The following MRPL39 variants were observed in gnomAD, a reference collection of about 807,000 sequenced individuals.
The protein encoded by MRPL39 is large ribosomal subunit protein mL39.
MRPL39 carries 35 observed loss-of-function variants against 44.5 expected under a neutral mutation model. The ratio of observed to expected loss-of-function variants is 0.79; its 90% CI spans 0.60 to 1.04. The LOEUF (loss-of-function observed/expected upper bound fraction) is 1.04, where lower values mean the gene tolerates loss of function less well. MRPL39 is among the 50% of genes least tolerant of loss of function. The probability of loss-of-function intolerance (pLI) is 0.00; values close to 1 mark genes in which losing one functional copy is unlikely to be tolerated. For missense variants in MRPL39, 433 were observed against 413.5 expected, an observed-to-expected ratio of 1.05 and a Z score of -0.41; for synonymous variants, 139 against 136.1, an observed-to-expected ratio of 1.02 and a Z score of -0.15.
In MRPL39 at chr21:25,587,678, A is replaced by C. The variant is rs563403615; in HGVS notation, c.969+1157T>G. 33 of 1,278,832 alleles carry C rather than the reference A, an allele frequency of 2.6e-5. No individual in the cohort carries two copies. In the East Asian group the frequency reaches 2.0e-3, roughly 76 times the overall value. 79.2% of individuals were successfully genotyped at this position (1,278,832 alleles called of 1,614,324 possible). A position where few individuals can be genotyped will look rare whatever the true frequency, so the allele number is the denominator to read the frequency against. ...ATACAATCAAGCACAAACTTATATGAATAATTATTTGTTAGAGATTACTCT... is the reference window on the plus strand; with the variant it reads ...ATACAATCAAGCACAAACTTATATGCATAATTATTTGTTAGAGATTACTCT... On this transcript the variant is annotated intron_variant, in intron 9 of 9. Coordinates refer to ENST00000352957, the MANE Select transcript of MRPL39 (RefSeq NM_017446.4).
At chr21:25,590,034 T>C (rs1311131537) in intron 8 of MRPL39, among the ~76,000 whole-genome samples, 1 of 152,172 alleles carries the variant, frequency 6.6e-6, no homozygotes, top group East Asian at 1.9e-4. Context: ...ACAGATTGTG[T>C]ATTAAAAAGA....
In MRPL39 at chr21:25,595,006, T is replaced by G. The variant is rs373281156; in HGVS notation, c.702-1048A>C. Among the ~76,000 whole-genome samples the G allele has an allele frequency of 2.6e-5, 4 of 152,324 alleles. No homozygotes were observed. The South Asian group carries it at 6.2e-4, about 24-fold the overall frequency. On this transcript the variant is annotated intron_variant, in intron 6 of 9. Coordinates refer to ENST00000352957, the MANE Select transcript of MRPL39 (RefSeq NM_017446.4). ...TTCAATTCATTATCAAGTTGTCAAT[T>G]TGACTGCCCAGTATCTCTCAAATCT...
At chr21:25,585,822 T>A (rs1038415083) in intron 9 of MRPL39, 68 bp from the exon 10 acceptor site, 7 of 1,101,928 alleles carry the variant, frequency 6.4e-6, no homozygotes, top group African/African-American at 6.3e-5. Flanking sequence ...CCCACCATTT[T>A]AAATCATTCC....
At chr21:25,604,055 G>C (rs951979653) in intron 2 of MRPL39, 120 bp from the exon 3 acceptor site, 3 of 907,794 alleles carry the variant, frequency 3.3e-6, no homozygotes, top group African/African-American at 3.5e-5. Context: ...GTCCTTTTTA[G>C]AGAAAAAAAG....
chr21:25,607,645 G>C (rs918041567), upstream of MRPL39: 9 of 665,106 alleles, frequency 1.4e-5, no homozygotes, highest in South Asian at 1.2e-4. Context: ...CTGAGACCCC[G>C]AGACTCGGAG....
At chr21:25,588,676 C>T (rs948790373) in intron 9 of MRPL39, among the ~76,000 whole-genome samples, 159 bp downstream of exon 9, 1 of 152,184 alleles carries the variant, frequency 6.6e-6, no homozygotes, top group Non-Finnish European at 1.5e-5. Flanking sequence ...CCCTTACCAA[C>T]ACACTAGTGA....
At chr21:25,605,686 G>T (rs1384078152) in intron 2 of MRPL39, among the ~76,000 whole-genome samples, 1 of 152,066 alleles carries the variant, frequency 6.6e-6, no homozygotes, top group Non-Finnish European at 1.5e-5. Context: ...CAGGAGGAGA[G>T]CTTGAGGTCA....
intron 6 of MRPL39, among the ~76,000 whole-genome samples, chr21:25,596,156 T>G (rs939971910): frequency 3.3e-5 from 5 of 152,026 alleles, no homozygotes; most frequent in Non-Finnish European, 7.4e-5. Flanking sequence ...CGGACTGCAG[T>G]GGCGCCACCT....
At chr21:25,585,790 A>G in intron 9 of MRPL39, 36 bp from the exon 10 acceptor site, 1 of 1,480,650 alleles carries the variant, frequency 6.8e-7, no homozygotes. Context: ...TTCCTAATAA[A>G]CACTTTCAGT....
chr21:25,585,858 T>C, intron 9 of MRPL39, 104 bp from the exon 10 acceptor site: 1 of 749,152 alleles, frequency 1.3e-6, no homozygotes. Context: ...TGACCCTTTA[T>C]CTTTCCCCTT....
At chr21:25,598,091 T>A (rs558651291) in intron 5 of MRPL39, among the ~76,000 whole-genome samples, 1 of 152,084 alleles carries the variant, frequency 6.6e-6, no homozygotes, top group Non-Finnish European at 1.5e-5. Flanking sequence ...TATAATGAAA[T>A]TATTTCCATA....
chr21:25,604,921 G>C (rs1361801010), intron 2 of MRPL39, among the ~76,000 whole-genome samples: 1 of 152,244 alleles, frequency 6.6e-6, no homozygotes, highest in East Asian at 1.9e-4. Flanking sequence ...GGATGCTTCA[G>C]AAGCTTCATC....
At chr21:25,601,516 T>A in intron 3 of MRPL39, 49 bp from the exon 4 acceptor site, 1 of 1,221,514 alleles carries the variant, frequency 8.2e-7, no homozygotes, top group Non-Finnish European at 1.1e-6. Context: ...ACACTGAGAT[T>A]CACTAAAGTT....
At chr21:25,589,026 T>C (rs1456127661) in intron 8 of MRPL39, 144 bp from the exon 9 acceptor site, 1 of 671,730 alleles carries the variant, frequency 1.5e-6, no homozygotes, top group African/African-American at 1.8e-5. Context: ...AAGTGGATCA[T>C]AGTAGCAAAA....
At chr21:25,603,649 T>C (rs541469036) in intron 3 of MRPL39, 147 bp downstream of exon 3, 9 of 807,824 alleles carry the variant, frequency 1.1e-5, no homozygotes, top group Non-Finnish European at 1.7e-5. Flanking sequence ...CAAAAGTGCC[T>C]AATCTAACAG....
chr21:25,607,574 C>G, upstream of MRPL39: 1 of 1,259,072 alleles, frequency 7.9e-7, no homozygotes. Flanking sequence ...CTGTTCCGGA[C>G]CCAGCACTCA....
In MRPL39 at chr21:25,593,001, C is replaced by A. The variant is rs371172146; in HGVS notation, c.768-36G>T. 3.9e-6 allele frequency: 6 copies of A among 1,527,280 alleles called. No individual in the cohort carries two copies. The African/African-American group carries it at 8.4e-5, about 21-fold the overall frequency. The allele number at this position is 1,527,280 out of a possible 1,614,324, so 94.6% of individuals were successfully genotyped here. The stretch of plus-strand genomic sequence containing the variant: ...TAAAAATAAATAAACAAAACTGCAA[C>A]ATCAAATAATTTGTAAGAGCTTGAA... On this transcript the variant is annotated intron_variant, in intron 7 of 9. Transcript: ENST00000352957.
chr21:25,600,149 A>C (rs1276677831), intron 4 of MRPL39, among the ~76,000 whole-genome samples: 1 of 152,222 alleles, frequency 6.6e-6, no homozygotes, highest in African/African-American at 2.4e-5. Context: ...AGATGTAAAA[A>C]TTCTGGGAAG....
At chr21:25,592,544 C>G (rs1364747381) in intron 8 of MRPL39, among the ~76,000 whole-genome samples, 1 of 151,980 alleles carries the variant, frequency 6.6e-6, no homozygotes, top group African/African-American at 2.4e-5. Context: ...ACTCTAATAC[C>G]CCCTCTGTCA....
Sources: allele counts gnomAD v4.1 joint callset (sites outside exome capture counted in the v4.1 genomes callset), GRCh38; gene constraint gnomAD v4.1.1; transcripts MANE v1.5; gene names NCBI Gene and HGNC (gene_info 2026-07-23, HGNC 2026-07-21).